The following CPSF1 variants were observed in gnomAD, a reference collection of about 807,000 sequenced individuals.
CPSF1 encodes cleavage and polyadenylation specificity factor subunit 1.
A neutral mutation model predicts 175.8 loss-of-function variants in CPSF1; 106 were observed. That is an observed-to-expected ratio of 0.60 (90% CI 0.52 to 0.71). CPSF1 has a LOEUF of 0.71. CPSF1 is among the 30% of genes least tolerant of loss of function. CPSF1 has a pLI of 0.00. For synonymous variants in CPSF1, 1,024 were observed against 858.3 expected (o/e 1.19, Z -3.37); for missense variants, 1,734 against 2,022.9 (o/e 0.86, Z 2.74).
In CPSF1 at chr8:144,393,680, G is replaced by A; in HGVS notation, c.4132C>T (p.Pro1378Ser). The A allele has an allele frequency of 4.5e-6, 7 of 1,562,884 alleles. No individual in the cohort carries two copies. Among genetic ancestry groups the A allele is most frequent in the South Asian group, 1.2e-5 (1 of 86,144 alleles). Residue 1378 changes from proline to serine, a missense_variant, in exon 36 of 38, where the codon CCC becomes TCC. By Grantham distance (74) the Pro-to-Ser change is moderately conservative. Transcript: ENST00000616140. Reference sequence around the variant, plus strand: ...GCCGGGGCTCACCGGAAGGCGCGGGGGTTGAGGCCGGCGTGGTGTGGCAGC... The same window carrying A: ...GCCGGGGCTCACCGGAAGGCGCGGGAGTTGAGGCCGGCGTGGTGTGGCAGC... The part of the protein sequence containing the change: ...TMLPHHAGLN[P>S]RAFRMLHVDR...
rs1422223747 is a variant in CPSF1 at position 144,400,511 on chromosome 8, T to TC, written c.687-19dup. 1 of 1,611,692 alleles carries TC rather than the reference T, an allele frequency of 6.2e-7. No individual in the cohort carries two copies. Among genetic ancestry groups the TC allele is most frequent in the African/African-American group, 1.3e-5 (1 of 74,886 alleles). ...CCACGCGCCTGGGGACGCCAGTGGGTCAGCCAAGGGCCTTGCCTCCCCGCA... is the reference window on the plus strand; with the variant it reads ...CCACGCGCCTGGGGACGCCAGTGGGTCCAGCCAAGGGCCTTGCCTCCCCGCA... On this transcript the variant is annotated intron_variant, in intron 7 of 37. Coordinates refer to ENST00000616140, the MANE Select transcript of CPSF1 (RefSeq NM_013291.3).
Position 144,394,729 on chromosome 8 carries a change from T to C in CPSF1, c.3482A>G (p.Lys1161Arg), listed in dbSNP as rs1291021923. The C allele has an allele frequency of 6.2e-7, 1 of 1,613,588 alleles. No individual in the cohort carries two copies. ...PGQPLTKNKFKVLYEKEQKGP... is the reference protein window; with the variant it reads ...PGQPLTKNKFRVLYEKEQKGP... ...CTTCTGCTCCTTCTCGTAAAGGACT[T>C]TGAACTTGTTCTTGGTCAAGGGCTG... The change falls in exon 31 of 38, where the codon AAA becomes AGA. Residue 1161 changes from lysine (K) to arginine (R), a missense_variant. Lys to Arg is a conservative substitution (Grantham distance 26, BLOSUM62 2). This residue lies in a region of CPSF1 where 62 missense variants were observed against 124.5 expected (regional missense o/e 0.50). Transcript: ENST00000616140.
At chr8:144,400,136 C>CT (rs1821086583) in intron 9 of CPSF1, 30 bp downstream of exon 9, 2 of 995,018 alleles carry the variant, frequency 2.0e-6, no homozygotes, top group African/African-American at 1.9e-5. Context: ...CGTCCCCGGG[C>CT]CCCCCCCGCC....
At position 144,407,217 on chromosome 8, in the gene CPSF1, CTT is replaced by C. The variant is rs2116907794; in HGVS notation, c.144+1796_144+1797del. ...ATAGGTGTGAGCCAACGTGCCTGGC[CTT>C]TTTTTTTTTTTTTTGAGATAGGGTC... On this transcript the variant is annotated intron_variant, in intron 2 of 37. Transcript: ENST00000616140. Among the ~76,000 whole-genome samples, 173 of 138,292 alleles carry C rather than the reference CTT, an allele frequency of 1.3e-3. No individual in the cohort carries two copies. In the South Asian group the frequency reaches 0.013, roughly 11 times the overall value. The allele number at this position is 138,292 out of a possible 152,430, so 90.7% of individuals were successfully genotyped here. A position where few individuals can be genotyped will look rare whatever the true frequency, so the allele number is the denominator to read the frequency against.
chr8:144,400,278 T>C lies in CPSF1; in HGVS notation c.827-2A>G. On this transcript the variant is annotated splice_acceptor_variant, in intron 8 of 37. Transcript: ENST00000616140. LOFTEE classifies it high-confidence loss of function. The stretch of plus-strand genomic sequence containing the variant: ...TGACGGCAAACACCACCACCCCACC[T>C]GGAGGTGGACACAGGCTGGTGGGCA... 6.2e-7 allele frequency: 1 copy of C among 1,605,988 alleles called. No individual in the cohort carries two copies. The highest frequency in any genetic ancestry group is 8.5e-7 in the Non-Finnish European group (1 of 1,174,140).
chr8:144,393,438 G>A lies in CPSF1; in HGVS notation c.4284+14C>T. ...GGAGGGGCGGGGCGCGCGGGGGGCG[G>A]GGCGCGCACTCACTATGTCTGGTGT... is the stretch of plus-strand genomic sequence containing the variant. On this transcript the variant is annotated intron_variant, in intron 37 of 37. Transcript: ENST00000616140. 1 of 1,542,176 alleles carries A rather than the reference G, an allele frequency of 6.5e-7. No individual in the cohort carries two copies. Among genetic ancestry groups the A allele is most frequent in the Non-Finnish European group, 8.7e-7 (1 of 1,143,342 alleles).
intron 26 of CPSF1, 129 bp downstream of exon 26, chr8:144,396,219 C>T (rs1554863623): frequency 2.0e-6 from 2 of 992,056 alleles, no homozygotes; most frequent in African/African-American, 1.6e-5. Flanking sequence ...GACCTCAACC[C>T]CATCGCCCTC....
Position 144,393,728 on chromosome 8 carries a change from G to C in CPSF1, c.4084C>G (p.Leu1362Val). The change falls in exon 36 of 38, where the codon CTG (leucine) becomes GTG (valine). Residue 1362 changes from leucine (L) to valine (V), a missense_variant. By Grantham distance (32) the Leu-to-Val change is conservative. This residue lies in a region of CPSF1 where 323 missense variants were observed against 338.5 expected (regional missense o/e 0.95). Coordinates refer to ENST00000616140, the MANE Select transcript of CPSF1 (RefSeq NM_013291.3). ...AGCATGGTGGTCAGCGCGTTCTGCA[G>C]CATCAGCAGCCGCCGGTAGGTCTTC... Reference protein sequence around the residue: ...QEKTYRRLLMLQNALTTMLPH... With the variant: ...QEKTYRRLLMVQNALTTMLPH... The C allele has an allele frequency of 6.4e-7, 1 of 1,573,860 alleles. No homozygotes were observed. The highest frequency in any genetic ancestry group is 8.6e-7 in the Non-Finnish European group (1 of 1,166,430).
rs1259813320 is a variant in CPSF1, at chr8:144,400,138, C to CCG, written c.937+27_937+28insCG. On this transcript the variant is annotated intron_variant, in intron 9 of 37. Coordinates refer to ENST00000616140, the MANE Select transcript of CPSF1 (RefSeq NM_013291.3). Reference sequence around the variant, plus strand: ...GGCAGGCCCAAGCCGTCCCCGGGCCCCCCCCGCCCCAGCCACCCCACACTC... The same window carrying CCG: ...GGCAGGCCCAAGCCGTCCCCGGGCCCCGCCCCCGCCCCAGCCACCCCACACTC... The CCG allele has an allele frequency of 6.2e-5, 73 of 1,185,556 alleles. 4 individuals carry two copies. The highest frequency in any genetic ancestry group is 2.9e-4 in the South Asian group (21 of 71,276). The allele number at this position is 1,185,556 out of a possible 1,614,324, so 73.4% of individuals were successfully genotyped here.
intron 9 of CPSF1, 31 bp downstream of exon 9, chr8:144,400,135 G>GCTCCCCCCCCCCCCCCCCCCCCCC (rs1821086446): frequency 1.2e-6 from 1 of 844,778 alleles, no homozygotes; most frequent in Non-Finnish European, 1.7e-6. Context: ...CCGTCCCCGG[G>GCTCCCCCCCCCCCCCCCCCCCCCC]CCCCCCCCGC....
rs782464148 is a variant in CPSF1 at position 144,395,178 on chromosome 8, C to T, written c.3192G>A (p.Glu1064=). ...EKEFETIERD[E]RYIHPQQEAF... is the part of the protein sequence containing the mutation. ...CCTCCTGCTGGGGGTGGATGTACCGCTCATCTGTGGGGACCAAGGGTGACA... is the reference window on the plus strand; with the variant it reads ...CCTCCTGCTGGGGGTGGATGTACCGTTCATCTGTGGGGACCAAGGGTGACA... The change falls in exon 29 of 38, where the codon GAG becomes GAA. Residue 1064 remains glutamate, a synonymous_variant. Transcript: ENST00000616140. 3.7e-6 allele frequency: 6 copies of T among 1,612,732 alleles called. No homozygotes were observed. The highest frequency in any genetic ancestry group is 5.1e-6 in the Non-Finnish European group (6 of 1,179,582).
At chr8:144,402,347 A>G (rs2116890692) in intron 2 of CPSF1, among the ~76,000 whole-genome samples, 2 of 152,002 alleles carry the variant, frequency 1.3e-5, no homozygotes, top group Non-Finnish European at 2.9e-5. Context: ...TCACTCTGTC[A>G]CCCAGGCTGA....
At chr8:144,407,716 A>C (rs1821569824) in intron 2 of CPSF1, among the ~76,000 whole-genome samples, 1 of 152,134 alleles carries the variant, frequency 6.6e-6, no homozygotes, top group African/African-American at 2.4e-5. Flanking sequence ...AAAACAAAAA[A>C]AAAAATTATT....
chr8:144,396,730 G>A lies in CPSF1; in HGVS notation c.2694C>T (p.Asn898=). Residue 898 remains asparagine, a synonymous_variant, in exon 25 of 38, where the codon AAC becomes AAT. Coordinates refer to ENST00000616140, the MANE Select transcript of CPSF1 (RefSeq NM_013291.3). ...LKVRFKKVPH[N]INFREKKPKP... is the part of the protein sequence containing the mutation. ...TTGGCTTCTTCTCACGGAAGTTGAT[G>A]TTGTGAGGGACCTGGGGGGGAACCA... is the stretch of plus-strand genomic sequence containing the variant. 3.1e-6 allele frequency: 5 copies of A among 1,613,938 alleles called. No individual in the cohort carries two copies. The highest frequency in any genetic ancestry group is 4.2e-6 in the Non-Finnish European group (5 of 1,179,992).
In CPSF1 at chr8:144,395,195, A is replaced by C. The variant is rs782251889; in HGVS notation, c.3188-13T>G. On this transcript the variant is annotated splice_polypyrimidine_tract_variant and intron_variant, in intron 28 of 37. Transcript: ENST00000616140. ...ATGTACCGCTCATCTGTGGGGACCA[A>C]GGGTGACAGTCAGAGTAGGGCTTCC... 7 of 1,612,712 alleles carry C rather than the reference A, an allele frequency of 4.3e-6. No individual in the cohort carries two copies. In the East Asian group the frequency reaches 1.6e-4, roughly 36 times the overall value.
chr8:144,401,097 G>A (rs2116881330), intron 5 of CPSF1, 22 bp from the exon 6 acceptor site: 2 of 1,586,258 alleles, frequency 1.3e-6, no homozygotes, highest in African/African-American at 2.7e-5. Flanking sequence ...GGGGGCATCA[G>A]CCAGGCCCAG....
chr8:144,397,904 C>T (rs369703747), intron 20 of CPSF1, 25 bp from the exon 21 acceptor site: 124 of 1,598,470 alleles, frequency 7.8e-5, no homozygotes, highest in Admixed American at 7.7e-4. Context: ...GTGGGCTCAG[C>T]GGCGGGCAAG....
Position 144,401,755 on chromosome 8 carries a change from G to A in CPSF1, c.145-82C>T, listed in dbSNP as rs1189373072. 1.8e-5 allele frequency: 26 copies of A among 1,436,198 alleles called. No individual in the cohort carries two copies. In the Admixed American group the frequency reaches 4.6e-4, roughly 25 times the overall value. The allele number at this position is 1,436,198 out of a possible 1,614,324, so 89.0% of individuals were successfully genotyped here. A position where few individuals can be genotyped will look rare whatever the true frequency, so the allele number is the denominator to read the frequency against. On this transcript the variant is annotated intron_variant, in intron 2 of 37. Coordinates refer to ENST00000616140, the MANE Select transcript of CPSF1 (RefSeq NM_013291.3). ...CCGGGGAACGAGAAAAGACCACCAA[G>A]CCTGGCCCCTGCCTCCTGGGAGCTC...
rs1554864911 is a variant in CPSF1 at position 144,398,324 on chromosome 8, C to T, written c.1872G>A (p.Leu624=). ...TACCTCCTTCCAGCAGGCGGATGCC[C>T]AGTGGTGACACTTGGACAATGTAGC... is the stretch of plus-strand genomic sequence containing the variant. The part of the protein sequence containing the change: ...DNRYIVQVSP[L]GIRLLEGVNQ... Residue 624 remains leucine (L), a synonymous_variant, in exon 19 of 38, where the codon CTG becomes CTA. Transcript: ENST00000616140. The T allele has an allele frequency of 6.2e-7, 1 of 1,613,326 alleles. No homozygotes were observed. The highest frequency in any genetic ancestry group is 1.3e-5 in the African/African-American group (1 of 74,874).
Sources: allele counts gnomAD v4.1 joint callset (sites outside exome capture counted in the v4.1 genomes callset), GRCh38; gene constraint gnomAD v4.1.1; regional missense constraint gnomAD v4.1.1; transcripts MANE v1.5; gene names NCBI Gene and HGNC (gene_info 2026-07-23, HGNC 2026-07-21).